The following CSMD2 variants were observed in gnomAD, a reference collection of about 807,000 sequenced individuals.
The protein encoded by CSMD2 is CUB and Sushi multiple domains 2, also known as CUB and sushi domain-containing protein 2.
CSMD2 carries 130 observed loss-of-function variants against 398.5 expected under a neutral mutation model. The ratio of observed to expected loss-of-function variants is 0.33; its 90% CI spans 0.28 to 0.38. The LOEUF is 0.38. Among genes scored for constraint, CSMD2 ranks in the 10% least tolerant of loss-of-function variants. The pLI is 1.00. For synonymous variants in CSMD2, 1,828 were observed against 1,908.5 expected (o/e 0.96, Z 1.10); for missense variants, 3,829 against 4,764.9 (o/e 0.80, Z 5.78).
chr1:33,525,699 G>C (rs143978996), intron 65 of CSMD2, among the ~76,000 whole-genome samples: 2 of 152,056 alleles, frequency 1.3e-5, no homozygotes, highest in African/African-American at 2.4e-5. Flanking sequence ...TAGTTTTTTC[G>C]TTGAGATGGA....
At chr1:33,975,077 A>G (rs530204449) in intron 3 of CSMD2, among the ~76,000 whole-genome samples, 1 of 152,302 alleles carries the variant, frequency 6.6e-6, no homozygotes, top group South Asian at 2.1e-4. Context: ...TGGCTGGGCA[A>G]GCTCCCACCC....
intron 32 of CSMD2, among the ~76,000 whole-genome samples, chr1:33,632,561 T>C (rs1231839428): frequency 6.6e-6 from 1 of 152,126 alleles, no homozygotes; most frequent in Non-Finnish European, 1.5e-5. Context: ...TGAGATACCA[T>C]TTTCACTTTT....
chr1:33,912,118 C>CT (rs1558091787), intron 5 of CSMD2, among the ~76,000 whole-genome samples: 1 of 152,192 alleles, frequency 6.6e-6, no homozygotes, highest in Non-Finnish European at 1.5e-5. Flanking sequence ...TCTCTTCCTA[C>CT]TTTGAATGTT....
Position 33,614,616 on chromosome 1 carries a change from C to T in CSMD2, c.6021G>A (p.Gln2007=), listed in dbSNP as rs773358790. 6.3e-7 allele frequency: 1 copy of T among 1,593,676 alleles called. No homozygotes were observed. Among genetic ancestry groups the T allele is most frequent in the Admixed American group, 1.7e-5 (1 of 59,910 alleles). Residue 2007 remains glutamine, a synonymous_variant, in exon 40 of 71, where the codon CAG becomes CAA. Transcript: ENST00000373381. ...WNYPPPLCIA[Q]CGGTVEEMEG... Reference sequence around the variant, plus strand: ...CCATCTCCTCCACTGTTCCCCCACACTGTGCTGTGACAATGAGATGAGACA... The same window carrying T: ...CCATCTCCTCCACTGTTCCCCCACATTGTGCTGTGACAATGAGATGAGACA...
intron 5 of CSMD2, among the ~76,000 whole-genome samples, chr1:33,913,385 G>A (rs1385557162): frequency 6.6e-6 from 1 of 152,152 alleles, no homozygotes; most frequent in East Asian, 1.9e-4. Context: ...AGATGCCACT[G>A]GGCTGGAAAG....
chr1:33,676,990 C>G (rs1007683536), intron 25 of CSMD2, among the ~76,000 whole-genome samples: 3 of 152,102 alleles, frequency 2.0e-5, no homozygotes, highest in African/African-American at 7.2e-5. Flanking sequence ...CATGTTAGAC[C>G]TAAAACCATA....
At chr1:33,884,848 C>G (rs571934590) in intron 5 of CSMD2, 1 of 152,344 alleles carries the variant, frequency 6.6e-6, no homozygotes, top group Non-Finnish European at 1.5e-5. Flanking sequence ...AAGAATTCCC[C>G]CTTTGTCCAG....
chr1:33,584,223 T>A (rs921529765), intron 46 of CSMD2, among the ~76,000 whole-genome samples: 9 of 152,202 alleles, frequency 5.9e-5, no homozygotes, highest in African/African-American at 2.2e-4. Flanking sequence ...GGTAAGTACA[T>A]GGGATTTTGA....
At chr1:34,032,765 G>A (rs538864771) in intron 2 of CSMD2, 59 bp from the exon 3 acceptor site, 78 of 1,227,308 alleles carry the variant, frequency 6.4e-5, no homozygotes, top group East Asian at 4.1e-4. Flanking sequence ...ACACATCCAC[G>A]AAGCATTTAT....
chr1:33,906,680 A>G (rs1019684687), intron 5 of CSMD2, among the ~76,000 whole-genome samples: 4 of 152,178 alleles, frequency 2.6e-5, no homozygotes, highest in Non-Finnish European at 4.4e-5. Flanking sequence ...CAAAATTGAG[A>G]CAAGTTAAGT....
At chr1:33,517,271 C>G (rs1025143873) in intron 70 of CSMD2, among the ~76,000 whole-genome samples, 3 of 152,146 alleles carry the variant, frequency 2.0e-5, no homozygotes, top group African/African-American at 7.2e-5. Context: ...TGCTGGAGAC[C>G]TGTGGGCTGG....
At chr1:33,934,834 A>G (rs1407876081) in intron 4 of CSMD2, among the ~76,000 whole-genome samples, 2 of 25,768 alleles carry the variant, frequency 7.8e-5, no homozygotes, top group Admixed American at 2.8e-4. Context: ...TGTCTCCATG[A>G]AAAAAAAAAA....
In CSMD2 at chr1:33,611,190, C is replaced by T. The variant is rs372340478; in HGVS notation, c.6194G>A (p.Arg2065Gln). ...GCGGCTGGTCTCATAGGGGCCATTC[C>T]GGATTTCTATGTAGTCGTGGTTGGG... ...TEPNHDYIEI[R>Q]NGPYETSRMM... is the part of the protein sequence containing the mutation. The change falls in exon 41 of 71, where the codon CGG becomes CAG. Residue 2065 changes from arginine to glutamine, a missense_variant. By Grantham distance (43) the Arg-to-Gln change is conservative (BLOSUM62 1). Transcript: ENST00000373381. The T allele has an allele frequency of 5.5e-5, 88 of 1,613,894 alleles. No homozygotes were observed. Among genetic ancestry groups the T allele is most frequent in the Middle Eastern group, 1.6e-4 (1 of 6,084 alleles).
chr1:34,151,275 T>C (rs888286149), intron 1 of CSMD2, among the ~76,000 whole-genome samples: 1 of 152,172 alleles, frequency 6.6e-6, no homozygotes, highest in Non-Finnish European at 1.5e-5. Flanking sequence ...CCAGGGCCAC[T>C]GCACTAGGTA....
At chr1:33,670,163 C>T (rs1644446648) in intron 25 of CSMD2, among the ~76,000 whole-genome samples, 2 of 152,220 alleles carry the variant, frequency 1.3e-5, no homozygotes, top group Admixed American at 1.3e-4. Flanking sequence ...TTGTCCTCCC[C>T]ATCCCCTCAG....
chr1:34,103,522 T>TCTG lies in CSMD2; in HGVS notation c.188-14332_188-14330dup, dbSNP rs1553316273. On this transcript the variant is annotated intron_variant, in intron 1 of 70. Transcript: ENST00000373381. ...ACCGTGTTAGCCAGGATGGTCTTGA[T>TCTG]CTGACCTTGCGATTCGCCCACCTCG... 2.0e-5 allele frequency among the ~76,000 whole-genome samples: 3 copies of TCTG among 152,028 alleles called. No homozygotes were observed. In the East Asian group the frequency reaches 5.8e-4, roughly 29 times the overall value.
In CSMD2 at chr1:33,557,936, G is replaced by A. The variant is rs1234669808; in HGVS notation, c.8555-14C>T. Reference sequence around the variant, plus strand: ...TACAGTTGATGACTGCAATTGAACAGAAGTCCAAACAGGCATGGATTCCCA... The same window carrying A: ...TACAGTTGATGACTGCAATTGAACAAAAGTCCAAACAGGCATGGATTCCCA... On this transcript the variant is annotated splice_polypyrimidine_tract_variant and intron_variant, in intron 54 of 70. Coordinates refer to ENST00000373381, the MANE Select transcript of CSMD2 (RefSeq NM_001281956.2). 1.3e-6 allele frequency: 2 copies of A among 1,528,274 alleles called. No homozygotes were observed. The highest frequency in any genetic ancestry group is 8.8e-7 in the Non-Finnish European group (1 of 1,140,342). 94.7% of individuals were successfully genotyped at this position (1,528,274 alleles called of 1,614,324 possible). A position where few individuals can be genotyped will look rare whatever the true frequency, so the allele number is the denominator to read the frequency against.
intron 25 of CSMD2, among the ~76,000 whole-genome samples, chr1:33,680,220 T>C (rs1348805917): frequency 6.7e-6 from 1 of 149,404 alleles, no homozygotes; most frequent in Non-Finnish European, 1.5e-5. Context: ...CCATGTGTTC[T>C]CATGCTATTC....
In CSMD2 at chr1:33,525,106, C is replaced by T. The variant is rs1004179598; in HGVS notation, c.10235-63G>A. On this transcript the variant is annotated intron_variant, in intron 65 of 70. Coordinates refer to ENST00000373381, the MANE Select transcript of CSMD2 (RefSeq NM_001281956.2). Reference sequence around the variant, plus strand: ...TGTGTGCTGCCAGAATTGGGGTAGCCTGATGACTGATCCCAGCCCACTCAC... The same window carrying T: ...TGTGTGCTGCCAGAATTGGGGTAGCTTGATGACTGATCCCAGCCCACTCAC... 1.4e-5 allele frequency: 22 copies of T among 1,538,290 alleles called. No individual in the cohort carries two copies. In the Admixed American group the frequency reaches 1.7e-4, roughly 12 times the overall value.
Sources: gnomAD v4.1 joint callset for allele counts (sites outside exome capture counted in the v4.1 genomes callset) on GRCh38, gnomAD v4.1.1 for gene constraint, MANE v1.5 for transcripts, NCBI Gene and HGNC (gene_info 2026-07-23, HGNC 2026-07-21) for gene names.